Variants in TMEM223 observed in about 807,000 individuals in gnomAD.
The protein encoded by TMEM223 is transmembrane protein 223.
TMEM223 carries 14 observed loss-of-function variants against 14.1 expected under a neutral mutation model. The observed-to-expected ratio is 0.99, with a 90% confidence interval of 0.66 to 1.55. The LOEUF is 1.55. Ranked by LOEUF, TMEM223 falls within the 40% of genes most tolerant of loss-of-function variation. The probability of loss-of-function intolerance (pLI) is 0.00; values close to 1 mark genes in which losing one functional copy is unlikely to be tolerated. For synonymous variants in TMEM223, 145 were observed against 120.5 expected (o/e 1.20, Z -1.33); for missense variants, 346 against 269.9 (o/e 1.28, Z -1.97).
At chr11:62,775,864 G>T in intron 1 of TMEM223, 1 of 1,613,926 alleles carries the variant, frequency 6.2e-7, no homozygotes, top group Non-Finnish European at 8.5e-7. Context: ...CGGGCCTGGA[G>T]CTGAGCGATG....
chr11:62,782,642 TG>T (rs1317743893), downstream of TMEM223: 11 of 1,600,224 alleles, frequency 6.9e-6, no homozygotes, highest in African/African-American at 1.3e-5. Flanking sequence ...TGTGCCCTGT[TG>T]GGTGGCACCA....
At chr11:62,790,964 A>G (rs1427598409) in intron 1 of TMEM223, 49 bp from the exon 2 acceptor site, 1 of 1,470,708 alleles carries the variant, frequency 6.8e-7, no homozygotes, top group East Asian at 2.4e-5. Flanking sequence ...TGGGCATCTA[A>G]GTACCGACCT....
At chr11:62,782,875 TAGA>T (rs1235787936), downstream of TMEM223, 2 of 1,601,416 alleles carry the variant, frequency 1.2e-6, no homozygotes, top group Non-Finnish European at 1.7e-6. Context: ...CCATTTGTGT[TAGA>T]AAAATAGTAC....
chr11:62,778,241 G>A (rs2084201715), intron 1 of TMEM223: 2 of 1,613,964 alleles, frequency 1.2e-6, no homozygotes, highest in Non-Finnish European at 1.7e-6. Flanking sequence ...GGTACTCTAA[G>A]GGGCAAAACG....
downstream of TMEM223, among the ~76,000 whole-genome samples, chr11:62,785,408 C>T (rs1380884335): frequency 5.3e-5 from 8 of 150,716 alleles, no homozygotes; most frequent in Admixed American, 5.3e-4. Flanking sequence ...GGCCAGGGCT[C>T]GTCTCGAACT....
Position 62,791,968 on chromosome 11 carries a change from G to C in TMEM223, c.27C>G (p.Pro9=). The change falls in exon 1 of 2, where the codon CCC becomes CCG. Residue 9 remains proline, a synonymous_variant. Transcript: ENST00000307366. ...GCCGCAGCACGGCTAGCAGCCCCGT[G>C]GGCCATCGCCTCCAAGGCGCCGCCA... The part of the protein sequence containing the change: MAAPWRRW[P]TGLLAVLRPL... 6.4e-7 allele frequency: 1 copy of C among 1,565,154 alleles called. No individual in the cohort carries two copies. Among genetic ancestry groups the C allele is most frequent in the Non-Finnish European group, 8.7e-7 (1 of 1,153,532 alleles).
downstream of TMEM223, chr11:62,787,327 A>G (rs781332384): frequency 4.5e-5 from 69 of 1,524,302 alleles, no homozygotes; most frequent in Non-Finnish European, 9.6e-6. Context: ...TTGTAAATAA[A>G]TCCCGCCCCC....
In TMEM223 at chr11:62,789,983, G is replaced by C. The variant is rs1385262466; in HGVS notation, c.*640C>G. On this transcript the variant is annotated 3_prime_UTR_variant, in exon 2 of 2. Coordinates refer to ENST00000307366, the MANE Select transcript of TMEM223 (RefSeq NM_001080501.3). ...GCCACCCCATACCGGCCTCTGGAGA[G>C]GGGTGACCCTGAGTGGAGCTCTGAG... 1.2e-6 allele frequency: 2 copies of C among 1,614,146 alleles called. No individual in the cohort carries two copies. Among genetic ancestry groups the C allele is most frequent in the South Asian group, 2.2e-5 (2 of 91,078 alleles).
At chr11:62,786,874 C>A (rs760558335), downstream of TMEM223, 73 of 1,576,166 alleles carry the variant, frequency 4.6e-5, no homozygotes, top group Admixed American at 1.4e-4. Context: ...GGACTCGGTG[C>A]GGAAGATGCC....
At position 62,772,169 on chromosome 11, in the gene TMEM223, A is replaced by G. The variant is rs151303110; in HGVS notation, c.386-37T>C. ...ACGAAATACATAATAATATCTTATT[A>G]TTGAGAATATAGTGAAGTAATCCAT... On this transcript the variant is annotated intron_variant, in intron 2 of 2. Transcript: ENST00000528367. The G allele has an allele frequency of 1.4e-3, 622 of 456,208 alleles. 1 individual carries two copies. Among genetic ancestry groups the G allele is most frequent in the Non-Finnish European group, 2.2e-3 (490 of 226,950 alleles). 28.3% of individuals were successfully genotyped at this position (456,208 alleles called of 1,614,324 possible). A position where few individuals can be genotyped will look rare whatever the true frequency, so the allele number is the denominator to read the frequency against.
chr11:62,788,582 T>C (rs982724894), downstream of TMEM223, among the ~76,000 whole-genome samples: 1 of 149,844 alleles, frequency 6.7e-6, no homozygotes, highest in African/African-American at 2.5e-5. Flanking sequence ...CGGGTGCCTG[T>C]AGTCCCAGCT....
intron 2 of TMEM223, among the ~76,000 whole-genome samples, chr11:62,774,426 T>C (rs2134698036): frequency 6.6e-6 from 1 of 152,288 alleles, no homozygotes; most frequent in South Asian, 2.1e-4. Context: ...GGAGGAGTGC[T>C]GCACAGAAGC....
chr11:62,778,843 C>T, intron 1 of TMEM223: 3 of 1,606,530 alleles, frequency 1.9e-6, no homozygotes, highest in Non-Finnish European at 2.6e-6. Flanking sequence ...TCCACCTGTC[C>T]CTGCTTCCTG....
At chr11:62,784,537 G>A (rs1012159895), downstream of TMEM223, among the ~76,000 whole-genome samples, 2 of 149,912 alleles carry the variant, frequency 1.3e-5, no homozygotes, top group Non-Finnish European at 3.0e-5. Flanking sequence ...CGATCTCCTG[G>A]CCTCATGATC....
At chr11:62,784,043 C>T (rs1231986785), downstream of TMEM223, among the ~76,000 whole-genome samples, 4 of 582 alleles carry the variant, frequency 6.9e-3, no homozygotes, top group East Asian at 0.071. Context: ...GGCTGGAGTG[C>T]AGTGGCGTGA....
At position 62,791,795 on chromosome 11, in the gene TMEM223, A is replaced by T. The variant is rs199773758; in HGVS notation, c.200T>A (p.Val67Glu). ...CTGCACCGGAACCGGGGGCCGGGAC[A>T]CGGCTGCCACAGCCATGGAAGCCCA... ...VFWASMAVAA[V>E]SRPPVPVQPL... Residue 67 changes from valine (V) to glutamate (E), a missense_variant, in exon 1 of 2, where the codon GTG becomes GAG. Transcript: ENST00000307366. 2.5e-4 allele frequency: 392 copies of T among 1,573,362 alleles called. 3 individuals carry two copies. The East Asian group carries it at 9.1e-3, about 37-fold the overall frequency.
At chr11:62,777,966 C>T in intron 1 of TMEM223, 1 of 1,613,782 alleles carries the variant, frequency 6.2e-7, no homozygotes, top group South Asian at 1.1e-5. Context: ...CTCCAATTCC[C>T]TTTTTCCTCA....
chr11:62,789,381 C>G, downstream of TMEM223: 2 of 1,613,938 alleles, frequency 1.2e-6, no homozygotes, highest in Non-Finnish European at 8.5e-7. Context: ...CGATTTGGCA[C>G]CAGGTCTCTC....
downstream of TMEM223, among the ~76,000 whole-genome samples, chr11:62,788,648 G>A (rs2084319573): frequency 6.8e-6 from 1 of 146,766 alleles, no homozygotes. Context: ...AGCGTGCAGT[G>A]AGCCGAGATG....
Sources: allele counts gnomAD v4.1 joint callset (sites outside exome capture counted in the v4.1 genomes callset), GRCh38; gene constraint gnomAD v4.1.1; transcripts MANE v1.5; gene names NCBI Gene and HGNC (gene_info 2026-07-23, HGNC 2026-07-21).